Variants in MASTL observed in about 807,000 individuals in gnomAD.
MASTL encodes the protein microtubule associated serine/threonine kinase like.
In MASTL, 54 loss-of-function variants were observed where a neutral mutation model predicts 82.5. The observed-to-expected ratio is 0.65, with a 90% confidence interval of 0.53 to 0.82. The LOEUF is 0.82. Ranked by LOEUF, MASTL falls within the 40% of genes least tolerant of loss-of-function variation. The probability of loss-of-function intolerance (pLI) is 0.00; values close to 1 mark genes in which losing one functional copy is unlikely to be tolerated. For missense variants in MASTL, 950 were observed against 1,047.8 expected (o/e 0.91, Z 1.29); for synonymous variants, 323 against 368.9 (o/e 0.88, Z 1.43).
chr10:27,170,583 AAG>A lies in MASTL; in HGVS notation c.1626_1627del (p.Asn543Ter). 1.2e-6 allele frequency: 2 copies of A among 1,612,310 alleles called. No homozygotes were observed. The highest frequency in any genetic ancestry group is 1.7e-6 in the Non-Finnish European group (2 of 1,179,322). On this transcript the variant is annotated frameshift_variant, in exon 8 of 12. Coordinates refer to ENST00000375940, the MANE Select transcript of MASTL (RefSeq NM_001172303.3). LOFTEE classifies it high-confidence loss of function. ...LMCELDEDCEKNSKRDYLSSS... is the reference protein window; with the variant it reads ...LMCELDEDCEXNSKRDYLSSS... ...GTGTGAACTCGATGAAGACTGTGAAAAGAATAGTAAGAGGGACTACTTAAGTT... is the reference window on the plus strand; with the variant it reads ...GTGTGAACTCGATGAAGACTGTGAAAAATAGTAAGAGGGACTACTTAAGTT...
chr10:27,155,997 G>C (rs532587056), intron 1 of MASTL, among the ~76,000 whole-genome samples: 4 of 151,990 alleles, frequency 2.6e-5, no homozygotes, highest in Admixed American at 1.3e-4. Context: ...CCTGGCTTGA[G>C]TTAGGTTTCT....
intron 11 of MASTL, among the ~76,000 whole-genome samples, chr10:27,185,791 A>AG (rs527929759): frequency 8.2e-4 from 123 of 150,678 alleles, no homozygotes; most frequent in Non-Finnish European, 1.5e-3. Context: ...CATTTCAAAA[A>AG]AAAAAAAAGA....
chr10:27,178,049 G>A (rs1406515376), intron 9 of MASTL, among the ~76,000 whole-genome samples: 1 of 152,180 alleles, frequency 6.6e-6, no homozygotes, highest in African/African-American at 2.4e-5. Flanking sequence ...GTAGCACAGA[G>A]TGAAGACGCA....
chr10:27,155,604 G>A lies in MASTL; in HGVS notation c.178G>A (p.Ala60Thr). 1.2e-6 allele frequency: 2 copies of A among 1,614,200 alleles called. No individual in the cohort carries two copies. Among genetic ancestry groups the A allele is most frequent in the East Asian group, 4.5e-5 (2 of 44,880 alleles). ...YLGQKGGKLY[A>T]VKVVKKADMI... is the part of the protein sequence containing the mutation. ...GGGGCAGAAAGGCGGCAAATTGTAT[G>A]CAGTAAAGGTAGGAAGTCAACGAGT... Residue 60 changes from alanine to threonine, a missense_variant, in exon 1 of 12, where the codon GCA becomes ACA. Ala to Thr is a moderately conservative substitution (Grantham distance 58). Coordinates refer to ENST00000375940, the MANE Select transcript of MASTL (RefSeq NM_001172303.3).
At chr10:27,178,213 G>A (rs11015585) in intron 9 of MASTL, among the ~76,000 whole-genome samples, 4,895 of 152,132 alleles carry the variant, frequency 0.032, 110 homozygotes, top group African/African-American at 0.065. Context: ...CCAACATGGC[G>A]AAACCCCGTC....
intron 6 of MASTL, 123 bp from the exon 7 acceptor site, chr10:27,166,976 ATGT>A (rs2057760946): frequency 1.7e-5 from 2 of 115,744 alleles, no homozygotes; most frequent in African/African-American, 8.9e-5. Context: ...TAGTTCTGAT[ATGT>A]AATTCTTAAT....
rs886046962 is a variant in MASTL at position 27,186,739 on chromosome 10, T to A, written c.*203T>A. 1.7e-6 allele frequency: 1 copy of A among 579,752 alleles called. No individual in the cohort carries two copies. Among genetic ancestry groups the A allele is most frequent in the African/African-American group, 1.9e-5 (1 of 53,588 alleles). 35.9% of individuals were successfully genotyped at this position (579,752 alleles called of 1,614,324 possible). A position where few individuals can be genotyped will look rare whatever the true frequency, so the allele number is the denominator to read the frequency against. ...AATTTATCTTAACCTCAAAACTGTATATAAATCTTCAAAGCTTTTTTCATT... is the reference window on the plus strand; with the variant it reads ...AATTTATCTTAACCTCAAAACTGTAAATAAATCTTCAAAGCTTTTTTCATT... On this transcript the variant is annotated 3_prime_UTR_variant, in exon 12 of 12. Transcript: ENST00000375940.
intron 9 of MASTL, among the ~76,000 whole-genome samples, chr10:27,174,877 T>C (rs1302614522): frequency 1.3e-5 from 2 of 152,146 alleles, no homozygotes; most frequent in South Asian, 4.1e-4. Context: ...GACTTAAACA[T>C]AGCTTTTTTG....
At position 27,167,116 on chromosome 10, in the gene MASTL, G is replaced by T. The variant is rs181274572; in HGVS notation, c.826G>T (p.Ala276Ser). 5 of 1,613,828 alleles carry T rather than the reference G, an allele frequency of 3.1e-6. No homozygotes were observed. The Admixed American group carries it at 6.7e-5, about 22-fold the overall frequency. Residue 276 changes from alanine to serine, a missense_variant, in exon 7 of 12, where the codon GCC (alanine) becomes TCC (serine). By Grantham distance (99) the Ala-to-Ser change is moderately conservative. Coordinates refer to ENST00000375940, the MANE Select transcript of MASTL (RefSeq NM_001172303.3). ...KLLKSCLETVASNPGMPVKCL... is the reference protein window; with the variant it reads ...KLLKSCLETVSSNPGMPVKCL... ...CTTCTCTATAGGTCTTGAAACAGTT[G>T]CCTCCAACCCAGGAATGCCTGTGAA...
Position 27,173,144 on chromosome 10 carries a change from A to G in MASTL, c.2151A>G (p.Gly717=), listed in dbSNP as rs1368340062. The G allele has an allele frequency of 1.2e-6, 2 of 1,614,136 alleles. No homozygotes were observed. Among genetic ancestry groups the G allele is most frequent in the Non-Finnish European group, 1.7e-6 (2 of 1,180,008 alleles). Residue 717 remains glycine (G), a synonymous_variant, in exon 9 of 12, where the codon GGA becomes GGG. Coordinates refer to ENST00000375940, the MANE Select transcript of MASTL (RefSeq NM_001172303.3). ...AGACCCCAAATCAGATCAAGTCGGG[A>G]ACTCCATACCGAACTCCGAAGAGTG... ...HQQTPNQIKS[G]TPYRTPKSVR... is the part of the protein sequence containing the mutation.
chr10:27,164,719 C>A (rs1317151160), intron 4 of MASTL, among the ~76,000 whole-genome samples: 6 of 151,948 alleles, frequency 3.9e-5, no homozygotes. Context: ...CTCACTGCAA[C>A]CTCCGCCTCC....
Position 27,170,685 on chromosome 10 carries a change from AT to A in MASTL, c.1729del (p.Ser577LeufsTer2), listed in dbSNP as rs2057902435. ...SMNSDSSFPGISIMESPLESQ... is the reference protein window; with the variant it reads ...SMNSDSSFPGXSIMESPLESQ... The stretch of plus-strand genomic sequence containing the variant: ...GAACTCTGATTCATCTTTTCCTGGA[AT>A]TTCTATAATGGAAAGTCCATTAGAA... On this transcript the variant is annotated frameshift_variant, in exon 8 of 12. Coordinates refer to ENST00000375940, the MANE Select transcript of MASTL (RefSeq NM_001172303.3). LOFTEE classifies it high-confidence loss of function. The A allele has an allele frequency of 6.2e-7, 1 of 1,612,282 alleles. No individual in the cohort carries two copies. The highest frequency in any genetic ancestry group is 2.2e-5 in the East Asian group (1 of 44,844).
rs1294405924 is a variant in MASTL, at chr10:27,159,014, AC to A, written c.324+329del. ...CAAGAGTTCAAGACCAACTTGGGGA[AC>A]ATAAGGAGACTCCATCTCTACAAAA... On this transcript the variant is annotated intron_variant, in intron 2 of 11. Transcript: ENST00000375940. The surrounding 1 kb of genome is among the most constrained non-coding windows in gnomAD (Gnocchi z 4.0). Among the ~76,000 whole-genome samples, 2 of 152,228 alleles carry A rather than the reference AC, an allele frequency of 1.3e-5. No homozygotes were observed. The highest frequency in any genetic ancestry group is 2.9e-5 in the Non-Finnish European group (2 of 68,044).
At chr10:27,165,651 C>A in intron 6 of MASTL, 112 bp downstream of exon 6, 3 of 1,267,378 alleles carry the variant, frequency 2.4e-6, no homozygotes, top group Non-Finnish European at 3.4e-6. Flanking sequence ...CTTACTCTGT[C>A]ATCCAGGCTG....
chr10:27,165,419 C>A lies in MASTL; in HGVS notation c.691C>A (p.Pro231Thr), dbSNP rs760256464. ...NTPIAEKNQDPANILSACLSE... is the reference protein window; with the variant it reads ...NTPIAEKNQDTANILSACLSE... The stretch of plus-strand genomic sequence containing the variant: ...ACCAATTGCAGAAAAAAATCAAGAC[C>A]CTGCAAACATCCTTTCAGCCTGTCT... The change falls in exon 6 of 12, where the codon CCT (proline) becomes ACT (threonine). Residue 231 changes from proline to threonine, a missense_variant. By Grantham distance (38) the Pro-to-Thr change is conservative. Transcript: ENST00000375940. The A allele has an allele frequency of 6.2e-7, 1 of 1,614,016 alleles. No homozygotes were observed. Among genetic ancestry groups the A allele is most frequent in the African/African-American group, 1.3e-5 (1 of 74,992 alleles).
In MASTL at chr10:27,173,190, G is replaced by A. The variant is rs140272771; in HGVS notation, c.2197G>A (p.Val733Ile). 1.1e-4 allele frequency: 174 copies of A among 1,614,172 alleles called. No homozygotes were observed. Among genetic ancestry groups the A allele is most frequent in the Non-Finnish European group, 1.3e-4 (155 of 1,180,020 alleles). ...PKSVRRGVAP[V>I]DDGRILGTPD... Reference sequence around the variant, plus strand: ...GAGTGTGAGAAGAGGGGTGGCCCCCGTTGATGATGGGCGAATTCTAGGAAC... The same window carrying A: ...GAGTGTGAGAAGAGGGGTGGCCCCCATTGATGATGGGCGAATTCTAGGAAC... The change falls in exon 9 of 12, where the codon GTT becomes ATT. Residue 733 changes from valine (V) to isoleucine (I), a missense_variant. Coordinates refer to ENST00000375940, the MANE Select transcript of MASTL (RefSeq NM_001172303.3).
In MASTL at chr10:27,170,594, G is replaced by A; in HGVS notation, c.1635G>A (p.Lys545=). 6.2e-7 allele frequency: 1 copy of A among 1,610,848 alleles called. No individual in the cohort carries two copies. Among genetic ancestry groups the A allele is most frequent in the Non-Finnish European group, 8.5e-7 (1 of 1,178,758 alleles). ...ATGAAGACTGTGAAAAGAATAGTAAGAGGGACTACTTAAGTTCTAGTTTTC... is the reference window on the plus strand; with the variant it reads ...ATGAAGACTGTGAAAAGAATAGTAAAAGGGACTACTTAAGTTCTAGTTTTC... ...ELDEDCEKNS[K]RDYLSSSFLC... is the part of the protein sequence containing the mutation. The change falls in exon 8 of 12, where the codon AAG becomes AAA. Residue 545 remains lysine, a synonymous_variant. Transcript: ENST00000375940.
At chr10:27,177,589 G>A (rs1464592796) in intron 9 of MASTL, among the ~76,000 whole-genome samples, 5 of 152,106 alleles carry the variant, frequency 3.3e-5, no homozygotes. Flanking sequence ...AACTTTATGT[G>A]CACCTTTTTG....
Position 27,161,148 on chromosome 10 carries a change from G to A in MASTL, c.519G>A (p.Thr173=), listed in dbSNP as rs190232500. The A allele has an allele frequency of 9.3e-6, 15 of 1,612,148 alleles. No homozygotes were observed. Among genetic ancestry groups the A allele is most frequent in the African/African-American group, 2.7e-5 (2 of 74,970 alleles). Residue 173 remains threonine (T), a synonymous_variant, in exon 4 of 12, where the codon ACG becomes ACA. Coordinates refer to ENST00000375940, the MANE Select transcript of MASTL (RefSeq NM_001172303.3). The part of the protein sequence containing the change: ...LISNEGHIKL[T]DFGLSKVTLN... ...CTAATGAGGGTCATATTAAACTGAC[G>A]GATTTTGGCCTTTCAAAAGTTACTT...
Sources: gnomAD v4.1 joint callset for allele counts (sites outside exome capture counted in the v4.1 genomes callset) on GRCh38, gnomAD v4.1.1 for gene constraint, Gnocchi (gnomAD v3.1) non-coding constraint, MANE v1.5 for transcripts, NCBI Gene and HGNC (gene_info 2026-07-23, HGNC 2026-07-21) for gene names.